Variants in DNAH8 observed in about 807,000 individuals in gnomAD.
DNAH8 encodes the protein axonemal beta dynein heavy chain 8.
Under a neutral mutation model 562.1 loss-of-function variants are expected in DNAH8, and 382 were observed. The observed-to-expected ratio is 0.68, with a 90% CI of 0.63 to 0.74. DNAH8 has a LOEUF of 0.74. Among genes scored for constraint, DNAH8 ranks in the 30% least tolerant of loss-of-function variants. The probability of loss-of-function intolerance (pLI) is 0.00; values close to 1 mark genes in which losing one functional copy is unlikely to be tolerated. For synonymous variants in DNAH8, 1,881 were observed against 1,919.4 expected (o/e 0.98, Z 0.52); for missense variants, 5,203 against 5,620.4 (o/e 0.93, Z 2.37).
chr6:38,886,196 A>G (rs1347837688), intron 56 of DNAH8, among the ~76,000 whole-genome samples: 7 of 152,102 alleles, frequency 4.6e-5, no homozygotes, highest in African/African-American at 1.4e-4. Flanking sequence ...GAACAGTTAC[A>G]TGTGAGGGAT....
chr6:38,881,549 G>GT (rs3047883), intron 53 of DNAH8, among the ~76,000 whole-genome samples: 13,034 of 133,946 alleles, frequency 0.097, 1,340 homozygotes, highest in African/African-American at 0.25. Context: ...TGAAATCAAT[G>GT]TTTTTTTTTT....
chr6:38,959,413 G>C (rs2150660902), intron 82 of DNAH8, among the ~76,000 whole-genome samples: 1 of 152,160 alleles, frequency 6.6e-6, no homozygotes. Flanking sequence ...TGAAAAACAA[G>C]TTCAGTAAAG....
intron 88 of DNAH8, among the ~76,000 whole-genome samples, chr6:38,997,175 A>AC (rs1207429758): frequency 6.6e-6 from 1 of 151,736 alleles, no homozygotes; most frequent in East Asian, 1.9e-4. Context: ...GTGTTTGGTA[A>AC]TTTTTTTGGT....
chr6:38,841,858 C>G (rs1774829122), intron 33 of DNAH8, among the ~76,000 whole-genome samples: 1 of 152,198 alleles, frequency 6.6e-6, no homozygotes, highest in Admixed American at 6.5e-5. Context: ...GCTGGGACTA[C>G]AGTCACATGC....
At chr6:38,847,218 A>G (rs1583171598) in intron 36 of DNAH8, among the ~76,000 whole-genome samples, 1 of 152,122 alleles carries the variant, frequency 6.6e-6, no homozygotes, top group Non-Finnish European at 1.5e-5. Context: ...AAAGTTGTAC[A>G]ATGCAGGTAT....
Position 38,787,011 on chromosome 6 carries a change from GTA to G in DNAH8, c.2583+75_2583+76del, listed in dbSNP as rs34300949. 357,347 of 799,090 alleles carry G rather than the reference GTA, an allele frequency of 0.45. 57,760 individuals carry two copies. The highest frequency in any genetic ancestry group is 0.69 in the East Asian group (21,280 of 30,740). 49.5% of individuals were successfully genotyped at this position (799,090 alleles called of 1,614,324 possible). ...AGGAGTTTTTTGGTAAAAAAAATAT[GTA>G]TATATATATATATATCCCTGCAGTT... On this transcript the variant is annotated intron_variant, in intron 18 of 92. Transcript: ENST00000327475.
In DNAH8 at chr6:38,883,072, C is replaced by A; in HGVS notation, c.8001+20C>A. 2 of 1,556,088 alleles carry A rather than the reference C, an allele frequency of 1.3e-6. No homozygotes were observed. The highest frequency in any genetic ancestry group is 2.6e-5 in the South Asian group (2 of 78,196). ...CATAAAGTAAGTTTAATAGATAGTT[C>A]CTTAAATGATCACAAACCATCCATG... is the stretch of plus-strand genomic sequence containing the variant. On this transcript the variant is annotated intron_variant, in intron 54 of 92. Coordinates refer to ENST00000327475, the MANE Select transcript of DNAH8 (RefSeq NM_001206927.2).
At chr6:38,918,222 G>A (rs546345679) in intron 70 of DNAH8, 82 bp downstream of exon 70, 51 of 1,026,836 alleles carry the variant, frequency 5.0e-5, no homozygotes, top group Non-Finnish European at 6.1e-5. Context: ...AAGACAATGC[G>A]TAGTTTAGAC....
chr6:38,966,753 G>A (rs1242510944), intron 82 of DNAH8, among the ~76,000 whole-genome samples: 1 of 152,186 alleles, frequency 6.6e-6, no homozygotes, highest in Non-Finnish European at 1.5e-5. Context: ...AACAGATGCT[G>A]TCTTAGTCTG....
chr6:38,988,529 C>A (rs760572501), intron 87 of DNAH8, among the ~76,000 whole-genome samples: 1 of 152,148 alleles, frequency 6.6e-6, no homozygotes, highest in Non-Finnish European at 1.5e-5. Flanking sequence ...TGACCATGCT[C>A]ATAACACTAT....
chr6:38,848,785 C>A lies in DNAH8; in HGVS notation c.5183C>A (p.Ala1728Asp). ...LEAVFVGGDI[A>D]KQLPQEAKRF... ...GCCGTCTTTGTAGGTGGAGATATTG[C>A]CAAACAGCTGCCTCAGGTAAATATG... is the stretch of plus-strand genomic sequence containing the variant. Residue 1728 changes from alanine to aspartate, a missense_variant, in exon 37 of 93, where the codon GCC (alanine) becomes GAC (aspartate). This residue lies in a region of DNAH8 where 2,176 missense variants were observed against 2,365.1 expected (regional missense o/e 0.92). Transcript: ENST00000327475. 3.1e-6 allele frequency: 5 copies of A among 1,613,112 alleles called. No individual in the cohort carries two copies. Among genetic ancestry groups the A allele is most frequent in the Non-Finnish European group, 3.4e-6 (4 of 1,179,386 alleles).
chr6:38,880,782 C>CT (rs796499000), intron 53 of DNAH8, among the ~76,000 whole-genome samples: 100 of 152,330 alleles, frequency 6.6e-4, no homozygotes, highest in African/African-American at 2.2e-3. Context: ...AATCCCAACA[C>CT]TTTGGGAGGC....
chr6:38,897,671 T>C (rs111631390), intron 60 of DNAH8, among the ~76,000 whole-genome samples: 81 of 152,188 alleles, frequency 5.3e-4, no homozygotes, highest in African/African-American at 1.6e-3. Context: ...TACCCGCGAC[T>C]TGGGGGAGTT....
intron 13 of DNAH8, among the ~76,000 whole-genome samples, chr6:38,776,638 A>C (rs1768107190): frequency 6.6e-6 from 1 of 152,208 alleles, no homozygotes; most frequent in Non-Finnish European, 1.5e-5. Flanking sequence ...AGGAAGATGG[A>C]TCACTCTTCC....
chr6:39,026,802 G>A (rs1767318917), intron 92 of DNAH8, 135 bp downstream of exon 92: 1 of 851,740 alleles, frequency 1.2e-6, no homozygotes, highest in Non-Finnish European at 1.8e-6. Context: ...ATCATAGCCA[G>A]AAGACATCAG....
chr6:39,007,947 C>CCA (rs67673406), intron 88 of DNAH8, among the ~76,000 whole-genome samples: 21,084 of 120,000 alleles, frequency 0.18, 2,224 homozygotes, highest in Non-Finnish European at 0.23. Context: ...CCCCACCCAC[C>CCA]CACACACACA....
At chr6:38,834,539 T>C in intron 31 of DNAH8, 40 bp from the exon 32 acceptor site, 4 of 1,362,410 alleles carry the variant, frequency 2.9e-6, no homozygotes, top group South Asian at 1.3e-5. Flanking sequence ...CAAATACATA[T>C]GATTAAGAAT....
At chr6:38,769,027 T>C (rs960465450) in intron 11 of DNAH8, among the ~76,000 whole-genome samples, 3 of 152,210 alleles carry the variant, frequency 2.0e-5, no homozygotes, top group Admixed American at 6.5e-5. Flanking sequence ...TTACTAGCCA[T>C]TTACTGACTG....
At chr6:38,916,841 G>A (rs1376925239) in intron 68 of DNAH8, among the ~76,000 whole-genome samples, 1 of 152,132 alleles carries the variant, frequency 6.6e-6, no homozygotes, top group African/African-American at 2.4e-5. Flanking sequence ...GCCATAGACA[G>A]GGAAGCCCTC....
Sources: allele counts gnomAD v4.1 joint callset (sites outside exome capture counted in the v4.1 genomes callset), GRCh38; gene constraint gnomAD v4.1.1; regional missense constraint gnomAD v4.1.1; transcripts MANE v1.5; gene names NCBI Gene and HGNC (gene_info 2026-07-23, HGNC 2026-07-21).